TCOF1: variants seen among roughly 807,000 people sequenced by gnomAD.
The protein encoded by TCOF1 is treacle protein.
In TCOF1, 33 loss-of-function variants were observed where a neutral mutation model predicts 149.0. The ratio of observed to expected loss-of-function variants is 0.22; its 90% CI spans 0.17 to 0.30. The LOEUF (loss-of-function observed/expected upper bound fraction) is 0.30. Among genes scored for constraint, TCOF1 ranks in the 10% least tolerant of loss-of-function variants. The pLI, the probability that TCOF1 is intolerant of heterozygous loss-of-function variation, is 1.00. For synonymous variants in TCOF1, 789 were observed against 738.8 expected (o/e 1.07, Z -1.10); for missense variants, 1,728 against 1,840.7 (o/e 0.94, Z 1.12).
Position 150,374,997 on chromosome 5 carries a change from C to T in TCOF1, c.1322C>T (p.Ala441Val), listed in dbSNP as rs540402926. 3.8e-5 allele frequency: 62 copies of T among 1,613,982 alleles called. No homozygotes were observed. The South Asian group carries it at 5.6e-4, about 15-fold the overall frequency. ...GKAPQVRAAS[A>V]PAKESPRKGA... is the part of the protein sequence containing the mutation. ...GCCCCCCAGGTCAGAGCCGCCTCGGCCCCTGCCAAGGAGTCCCCCAGGAAA... is the reference window on the plus strand; with the variant it reads ...GCCCCCCAGGTCAGAGCCGCCTCGGTCCCTGCCAAGGAGTCCCCCAGGAAA... The change falls in exon 10 of 27, where the codon GCC becomes GTC. Residue 441 changes from alanine to valine, a missense_variant. Ala to Val is a moderately conservative substitution (Grantham distance 64). Around this residue, in one of 2 missense-constraint regions of TCOF1, gnomAD observed 1,696 missense variants for 1,765.4 expected, o/e 0.96. Coordinates refer to ENST00000643257, the MANE Select transcript of TCOF1 (RefSeq NM_001371623.1).
intron 17 of TCOF1, among the ~76,000 whole-genome samples, chr5:150,386,302 C>T (rs1325782760): frequency 6.6e-6 from 1 of 152,180 alleles, no homozygotes; most frequent in Non-Finnish European, 1.5e-5. Flanking sequence ...TGCTTCTCTT[C>T]GTCCCCGACA....
In TCOF1 at chr5:150,368,866, G is replaced by T; in HGVS notation, c.529G>T (p.Gly177Cys). Residue 177 changes from glycine to cysteine, a missense_variant, in exon 5 of 27, where the codon GGC becomes TGC. Gly to Cys is a radical substitution (Grantham distance 159). Around this residue, in one of 2 missense-constraint regions of TCOF1, gnomAD observed 1,696 missense variants for 1,765.4 expected, o/e 0.96. Coordinates refer to ENST00000643257, the MANE Select transcript of TCOF1 (RefSeq NM_001371623.1). The stretch of plus-strand genomic sequence containing the variant: ...GTTGGTCTCAGAAACTGAGGAGGAG[G>T]GCAGCGTCCCGGCCTTTGGAGCTGC... ...TTLVSETEEEGSVPAFGAAAK... is the reference protein window; with the variant it reads ...TTLVSETEEECSVPAFGAAAK... 6.2e-7 allele frequency: 1 copy of T among 1,613,896 alleles called. No homozygotes were observed. Among genetic ancestry groups the T allele is most frequent in the Non-Finnish European group, 8.5e-7 (1 of 1,180,022 alleles).
chr5:150,385,190 C>T, intron 17 of TCOF1: 1 of 696,916 alleles, frequency 1.4e-6, no homozygotes, highest in Non-Finnish European at 1.8e-6. Flanking sequence ...TTAAGGCCAA[C>T]TTCTTCTATT....
rs1581142915 is a variant in TCOF1 at position 150,379,748 on chromosome 5, C to T, written c.2859+16C>T. The T allele has an allele frequency of 6.2e-7, 1 of 1,612,350 alleles. No individual in the cohort carries two copies. Among genetic ancestry groups the T allele is most frequent in the Non-Finnish European group, 8.5e-7 (1 of 1,179,230 alleles). On this transcript the variant is annotated intron_variant, in intron 17 of 26. Coordinates refer to ENST00000643257, the MANE Select transcript of TCOF1 (RefSeq NM_001371623.1). Reference sequence around the variant, plus strand: ...CTCTGCCCAGGTAAGACTTGCCAGGCCTCTGAGCCACCAACACTCACTCCT... The same window carrying T: ...CTCTGCCCAGGTAAGACTTGCCAGGTCTCTGAGCCACCAACACTCACTCCT...
intron 6 of TCOF1, among the ~76,000 whole-genome samples, chr5:150,370,631 C>T (rs891939800): frequency 1.3e-5 from 2 of 152,186 alleles, no homozygotes; most frequent in Non-Finnish European, 2.9e-5. Flanking sequence ...GCTGGGATTA[C>T]AGGCATGAGC....
At chr5:150,376,759 A>G (rs1258753083) in intron 14 of TCOF1, 139 bp downstream of exon 14, 13 of 855,398 alleles carry the variant, frequency 1.5e-5, no homozygotes, top group Admixed American at 4.0e-5. Context: ...TTCCTTCCCT[A>G]TCTTTCACTC....
chr5:150,378,917 G>A lies in TCOF1; in HGVS notation c.2353G>A (p.Val785Ile), dbSNP rs761188475. ...TTTCTCCACTCAGGTGAAAACCTCAGTAAAGAAAACCCAGGCCAAAGCCAA... is the reference window on the plus strand; with the variant it reads ...TTTCTCCACTCAGGTGAAAACCTCAATAAAGAAAACCCAGGCCAAAGCCAA... Reference protein sequence around the residue: ...AASPAQVKTSVKKTQAKANPA... With the variant: ...AASPAQVKTSIKKTQAKANPA... The change falls in exon 15 of 27, where the codon GTA becomes ATA. Residue 785 changes from valine to isoleucine, a missense_variant. Physicochemically the swap from Val to Ile is conservative, Grantham distance 29. This residue lies in a region of TCOF1 where 1,696 missense variants were observed against 1,765.4 expected (regional missense o/e 0.96). Transcript: ENST00000643257. The A allele has an allele frequency of 5.0e-6, 8 of 1,614,064 alleles. No individual in the cohort carries two copies. The Admixed American group carries it at 1.0e-4, about 20-fold the overall frequency.
At position 150,398,400 on chromosome 5, in the gene TCOF1, G is replaced by A. The variant is rs573525637; in HGVS notation, c.4392G>A (p.Lys1464=). 63 of 1,614,062 alleles carry A rather than the reference G, an allele frequency of 3.9e-5. 1 individual carries two copies. The South Asian group carries it at 6.9e-4, about 18-fold the overall frequency. Residue 1464 remains lysine (K), a synonymous_variant, in exon 25 of 27, where the codon AAG becomes AAA. Transcript: ENST00000643257. ...AAGAAAAGAAGAAGAAAGCAAAAAA[G>A]GCCTCAACCAAAGATTCTGAGTCAC... ...EKKEKKKKAK[K]ASTKDSESPS...
intron 21 of TCOF1, chr5:150,392,402 C>A: frequency 1.6e-6 from 1 of 617,000 alleles, no homozygotes; most frequent in Non-Finnish European, 2.8e-6. Flanking sequence ...TGGTATCAGA[C>A]TCCCTTCACT....
intron 1 of TCOF1, among the ~76,000 whole-genome samples, chr5:150,360,020 T>C (rs1476710709): frequency 1.3e-5 from 2 of 151,952 alleles, no homozygotes; most frequent in African/African-American, 4.8e-5. Flanking sequence ...AGAGGCAGGG[T>C]GGCCTGACAC....
chr5:150,362,189 A>G (rs1011118447), intron 2 of TCOF1, among the ~76,000 whole-genome samples: 1 of 152,218 alleles, frequency 6.6e-6, no homozygotes, highest in Non-Finnish European at 1.5e-5. Flanking sequence ...TGGAGGGGAA[A>G]GATTTCAATG....
Position 150,357,815 on chromosome 5 carries a change from T to C in TCOF1, c.69T>C (p.Tyr23=), listed in dbSNP as rs1758958489. The C allele has an allele frequency of 6.5e-7, 1 of 1,549,812 alleles. No individual in the cohort carries two copies. The highest frequency in any genetic ancestry group is 8.7e-7 in the Non-Finnish European group (1 of 1,146,514). The change falls in exon 1 of 27, where the codon TAT becomes TAC. Residue 23 remains tyrosine, a synonymous_variant. Transcript: ENST00000643257. ...LIYHHLLRAG[Y]VRAAREVKEQ... is the part of the protein sequence containing the mutation. Reference sequence around the variant, plus strand: ...ACCACCATCTGCTGCGGGCTGGCTATGTGCGTGCGGCGCGGGAAGTGAAGG... The same window carrying C: ...ACCACCATCTGCTGCGGGCTGGCTACGTGCGTGCGGCGCGGGAAGTGAAGG...
chr5:150,396,336 A>C lies in TCOF1; in HGVS notation c.3839A>C (p.Lys1280Thr). The part of the protein sequence containing the change: ...TTPQKSRKPK[K>T]GAGNPQASTL... ...CCTCAGAAGTCCCGGAAGCCCAAGAAAGGGGCTGGGAACCCCCAAGCCTCA... is the reference window on the plus strand; with the variant it reads ...CCTCAGAAGTCCCGGAAGCCCAAGACAGGGGCTGGGAACCCCCAAGCCTCA... Residue 1280 changes from lysine to threonine, a missense_variant, in exon 24 of 27, where the codon AAA (lysine) becomes ACA (threonine). Lys to Thr is a moderately conservative substitution (Grantham distance 78). Coordinates refer to ENST00000643257, the MANE Select transcript of TCOF1 (RefSeq NM_001371623.1). The C allele has an allele frequency of 6.2e-7, 1 of 1,613,944 alleles. No individual in the cohort carries two copies. Among genetic ancestry groups the C allele is most frequent in the Non-Finnish European group, 8.5e-7 (1 of 1,180,042 alleles).
At chr5:150,378,669 C>G (rs190429553) in intron 14 of TCOF1, 1 of 573,014 alleles carries the variant, frequency 1.7e-6, no homozygotes, top group East Asian at 3.0e-5. Flanking sequence ...ATGTTAAACT[C>G]TGAATCTCCT....
In TCOF1 at chr5:150,391,309, G is replaced by C. The variant is rs556461022; in HGVS notation, c.3184-235G>C. 1.1e-4 allele frequency among the ~76,000 whole-genome samples: 17 copies of C among 152,382 alleles called. No individual in the cohort carries two copies. In the South Asian group the frequency reaches 3.1e-3, roughly 28 times the overall value. On this transcript the variant is annotated intron_variant, in intron 19 of 26. Coordinates refer to ENST00000643257, the MANE Select transcript of TCOF1 (RefSeq NM_001371623.1). ...GGAGATTATCCCCAGTGAAGGTGCA[G>C]ATTGAGTAGTGGGGCCTAAGCTGCT...
Position 150,381,369 on chromosome 5 carries a change from C to T in TCOF1, c.2859+1637C>T, listed in dbSNP as rs150763853. ...CTCAAGGAGCTCACAGTCTGTGGGG[C>T]AAGACAGGTGACCGGATTATCGCAG... is the stretch of plus-strand genomic sequence containing the variant. On this transcript the variant is annotated intron_variant, in intron 17 of 26. Transcript: ENST00000643257. 3.3e-5 allele frequency among the ~76,000 whole-genome samples: 5 copies of T among 152,310 alleles called. No individual in the cohort carries two copies. In the East Asian group the frequency reaches 9.6e-4, roughly 29 times the overall value.
chr5:150,375,589 C>T, intron 11 of TCOF1, 35 bp downstream of exon 11: 1 of 1,610,160 alleles, frequency 6.2e-7, no homozygotes, highest in Non-Finnish European at 8.5e-7. Flanking sequence ...TTTCTTTTTC[C>T]CCCCCACTCA....
rs1460569800 is a variant in TCOF1 at position 150,391,958 on chromosome 5, T to C, written c.3299T>C (p.Val1100Ala). ...PVARTQPSSG[V>A]DSAVGTLPAT... The stretch of plus-strand genomic sequence containing the variant: ...TTCCTTCTCCTTTCACCGAATTAGG[T>C]TGACAGTGCTGTGGGAACACTCCCT... The change falls in exon 21 of 27, where the codon GTT becomes GCT. Residue 1100 changes from valine (V) to alanine (A), a missense_variant and splice_region_variant. Val to Ala is a moderately conservative substitution (Grantham distance 64). Around this residue, in one of 2 missense-constraint regions of TCOF1, gnomAD observed 1,696 missense variants for 1,765.4 expected, o/e 0.96. Transcript: ENST00000643257. 6.2e-7 allele frequency: 1 copy of C among 1,614,114 alleles called. No individual in the cohort carries two copies. Among genetic ancestry groups the C allele is most frequent in the East Asian group, 2.2e-5 (1 of 44,884 alleles).
chr5:150,374,590 C>A (rs781642190), intron 8 of TCOF1, 27 bp from the exon 9 acceptor site: 7 of 1,612,410 alleles, frequency 4.3e-6, no homozygotes, highest in Non-Finnish European at 5.1e-6. Flanking sequence ...ATCCTCTGGG[C>A]TGTCTCCCCT....
Sources: gnomAD v4.1 joint callset for allele counts (sites outside exome capture counted in the v4.1 genomes callset) on GRCh38, gnomAD v4.1.1 for gene constraint, gnomAD v4.1.1 regional missense constraint, MANE v1.5 for transcripts, NCBI Gene and HGNC (gene_info 2026-07-23, HGNC 2026-07-21) for gene names.